SHISA9: variants seen among roughly 807,000 people sequenced by gnomAD.
SHISA9 encodes the protein shisa family member 9, also known as protein shisa-9.
A neutral mutation model predicts 38.0 loss-of-function variants in SHISA9; 13 were observed. The observed-to-expected ratio is 0.34, with a 90% CI of 0.22 to 0.54. The LOEUF (loss-of-function observed/expected upper bound fraction) is 0.54. Among genes scored for constraint, SHISA9 ranks in the 20% least tolerant of loss-of-function variants. The pLI is 0.91. For missense variants in SHISA9, 538 were observed against 575.8 expected, an observed-to-expected ratio of 0.93 and a Z score of 0.67; for synonymous variants, 275 against 242.0, an observed-to-expected ratio of 1.14 and a Z score of -1.27.
chr16:13,266,428 T>A, the SHISA9 span, among the ~76,000 whole-genome samples: 12 of 152,040 alleles, frequency 7.9e-5, no homozygotes, highest in Non-Finnish European at 1.5e-4. Context: ...GAGCCTGGAG[T>A]GCTTCTCTGG....
intron 2 of SHISA9, among the ~76,000 whole-genome samples, chr16:12,963,612 C>A (rs1350287557): frequency 6.6e-6 from 1 of 152,202 alleles, no homozygotes; most frequent in Non-Finnish European, 1.5e-5. Flanking sequence ...TTCATCATAA[C>A]ACTTGGAGGT....
the SHISA9 span, among the ~76,000 whole-genome samples, chr16:13,375,997 A>G: frequency 6.6e-6 from 1 of 152,308 alleles, no homozygotes; most frequent in African/African-American, 2.4e-5. Flanking sequence ...TTAAAATTGG[A>G]AAACTCACGT....
the SHISA9 span, among the ~76,000 whole-genome samples, chr16:13,295,542 G>GA: frequency 2.6e-5 from 4 of 152,182 alleles, no homozygotes; most frequent in African/African-American, 9.6e-5. Context: ...AGAGGGCATT[G>GA]AAAATCAGAA....
At chr16:13,066,725 T>G (rs2073439363) in intron 2 of SHISA9, among the ~76,000 whole-genome samples, 1 of 152,238 alleles carries the variant, frequency 6.6e-6, no homozygotes, top group Non-Finnish European at 1.5e-5. Flanking sequence ...AAAGTAGGCA[T>G]GTAGTAAATA....
At chr16:13,219,734 A>T (rs967869130) in intron 4 of SHISA9, among the ~76,000 whole-genome samples, 1 of 152,182 alleles carries the variant, frequency 6.6e-6, no homozygotes, top group Non-Finnish European at 1.5e-5. Context: ...AGGTGGGCAG[A>T]TCACCTGAGG....
chr16:13,333,589 G>A, the SHISA9 span, among the ~76,000 whole-genome samples: 2 of 152,182 alleles, frequency 1.3e-5, no homozygotes, highest in Non-Finnish European at 2.9e-5. Context: ...GCCACATCAT[G>A]TTTTCGAAGG....
At chr16:13,059,191 G>C (rs2141908175) in intron 2 of SHISA9, among the ~76,000 whole-genome samples, 1 of 136,204 alleles carries the variant, frequency 7.3e-6, no homozygotes, top group East Asian at 2.3e-4. Context: ...GCAGTGGCGT[G>C]ATCTCGGCTC....
At chr16:13,066,042 C>G (rs2073431096) in intron 2 of SHISA9, among the ~76,000 whole-genome samples, 1 of 152,228 alleles carries the variant, frequency 6.6e-6, no homozygotes, top group African/African-American at 2.4e-5. Flanking sequence ...CCAGACCTCT[C>G]TACTCAAAGA....
chr16:13,111,320 T>A (rs1366982226), intron 2 of SHISA9, among the ~76,000 whole-genome samples: 1 of 146,680 alleles, frequency 6.8e-6, no homozygotes, highest in Non-Finnish European at 1.5e-5. Flanking sequence ...GTATCCAGAA[T>A]CTACAAAGAA....
chr16:13,530,316 A>G, the SHISA9 span, among the ~76,000 whole-genome samples: 1 of 152,126 alleles, frequency 6.6e-6, no homozygotes, highest in African/African-American at 2.4e-5. Flanking sequence ...ATAAATAAAA[A>G]TAAATAAATA....
intron 2 of SHISA9, among the ~76,000 whole-genome samples, chr16:13,134,148 C>G (rs1392081501): frequency 6.6e-6 from 1 of 152,174 alleles, no homozygotes. Flanking sequence ...TGGGTAGTAG[C>G]ACCAGACTGC....
At chr16:13,517,639 C>T in the SHISA9 span, among the ~76,000 whole-genome samples, 4 of 152,222 alleles carry the variant, frequency 2.6e-5, no homozygotes, top group Middle Eastern at 3.4e-3. Flanking sequence ...TTATATGTCC[C>T]GTTCATTGAG....
At chr16:13,139,958 C>A (rs939316659) in intron 2 of SHISA9, among the ~76,000 whole-genome samples, 1 of 152,122 alleles carries the variant, frequency 6.6e-6, no homozygotes, top group African/African-American at 2.4e-5. Context: ...ACCCACCTCT[C>A]ACCTGACTGC....
chr16:13,149,645 C>T (rs189389231), intron 2 of SHISA9, among the ~76,000 whole-genome samples: 238 of 152,106 alleles, frequency 1.6e-3, no homozygotes, highest in African/African-American at 5.5e-3. Context: ...AGTCATGGGA[C>T]CAGGCATGGT....
chr16:13,297,752 C>A, the SHISA9 span, among the ~76,000 whole-genome samples: 2 of 151,580 alleles, frequency 1.3e-5, no homozygotes, highest in African/African-American at 4.8e-5. Flanking sequence ...TGCGTTCTTT[C>A]TTTTTTTTTC....
the SHISA9 span, among the ~76,000 whole-genome samples, chr16:13,427,668 G>GGA: frequency 1.7e-4 from 26 of 152,234 alleles, no homozygotes; most frequent in Admixed American, 1.4e-3. Context: ...CAGTGTGGCT[G>GGA]GAGAGAGAGA....
At chr16:13,376,005 C>G in the SHISA9 span, among the ~76,000 whole-genome samples, 1 of 152,092 alleles carries the variant, frequency 6.6e-6, no homozygotes, top group Non-Finnish European at 1.5e-5. Context: ...GGAAAACTCA[C>G]GTTTTCTGAT....
chr16:13,367,040 T>C, the SHISA9 span, among the ~76,000 whole-genome samples: 1 of 150,256 alleles, frequency 6.7e-6, no homozygotes, highest in Non-Finnish European at 1.5e-5. Context: ...GGTTAATATA[T>C]GTGTACAATT....
chr16:13,036,218 C>G (rs6498373), intron 2 of SHISA9, among the ~76,000 whole-genome samples: 22,710 of 152,142 alleles, frequency 0.15, 3,991 homozygotes, highest in African/African-American at 0.42. Flanking sequence ...TTTGTAATAG[C>G]TCCAAGCTAA....
Sources: gnomAD v4.1 joint callset for allele counts (sites outside exome capture counted in the v4.1 genomes callset) on GRCh38, gnomAD v4.1.1 for gene constraint, MANE v1.5 for transcripts, NCBI Gene and HGNC (gene_info 2026-07-23, HGNC 2026-07-21) for gene names.